The following AZI2 variants were observed in gnomAD, a reference collection of about 807,000 sequenced individuals.
The protein encoded by AZI2 is 5-azacytidine induced 2.
A neutral mutation model predicts 45.8 loss-of-function variants in AZI2; 22 were observed. That is an observed-to-expected ratio of 0.48 (90% confidence interval 0.34 to 0.69). AZI2 has a LOEUF of 0.69. Among genes scored for constraint, AZI2 ranks in the 30% least tolerant of loss-of-function variants. The pLI is 0.01. For missense variants in AZI2, 417 were observed against 441.5 expected, an observed-to-expected ratio of 0.94 and a Z score of 0.50; for synonymous variants, 137 against 156.7, an observed-to-expected ratio of 0.87 and a Z score of 0.94.
chr3:28,345,778 G>C (rs962027846), intron 1 of AZI2, among the ~76,000 whole-genome samples: 6 of 152,030 alleles, frequency 3.9e-5, no homozygotes, highest in African/African-American at 1.4e-4. Context: ...TTGTTCATAT[G>C]CTACGTATGT....
At chr3:28,328,575 C>T (rs1343127285) in intron 6 of AZI2, among the ~76,000 whole-genome samples, 2 of 150,942 alleles carry the variant, frequency 1.3e-5, no homozygotes, top group Non-Finnish European at 1.5e-5. Flanking sequence ...GTTTACAGTG[C>T]CTAATAAAAA....
chr3:28,343,691 A>C (rs780924302), intron 1 of AZI2, among the ~76,000 whole-genome samples: 5 of 152,156 alleles, frequency 3.3e-5, no homozygotes, highest in South Asian at 2.1e-4. Flanking sequence ...AAAGGTAAAG[A>C]AGCTTAGCTA....
At position 28,331,584 on chromosome 3, in the gene AZI2, T is replaced by C. The variant is rs777401940; in HGVS notation, c.647+785A>G. ...CATTTCCTCAAATTGTTTTTCCTAA[T>C]TGATCATTTCTCTAAAGCAGGTTTT... On this transcript the variant is annotated intron_variant, in intron 6 of 7. Coordinates refer to ENST00000479665, the MANE Select transcript of AZI2 (RefSeq NM_022461.5). 2.7e-5 allele frequency: 27 copies of C among 1,016,726 alleles called. No homozygotes were observed. The East Asian group carries it at 1.3e-3, about 49-fold the overall frequency. 63.0% of individuals were successfully genotyped at this position (1,016,726 alleles called of 1,614,324 possible). A position where few individuals can be genotyped will look rare whatever the true frequency, so the allele number is the denominator to read the frequency against.
chr3:28,338,138 A>T, intron 3 of AZI2, 102 bp from the exon 4 acceptor site: 1 of 589,644 alleles, frequency 1.7e-6, no homozygotes, highest in Non-Finnish European at 2.6e-6. Context: ...TCTTGTCTTT[A>T]AAAGCAAGGT....
chr3:28,332,544 A>C, intron 5 of AZI2, 117 bp from the exon 6 acceptor site: 1 of 723,106 alleles, frequency 1.4e-6, no homozygotes. Context: ...TGTAAGTGCA[A>C]AGAATACAAT....
rs1704379744 is a variant in AZI2 at position 28,348,671 on chromosome 3, C to T, written c.-76G>A. On this transcript the variant is annotated 5_prime_UTR_variant, in exon 1 of 8. Transcript: ENST00000479665. ...CGATTCCTTAGTGTTTGGAAACGGA[C>T]CGAAAACAAACCGGGTCGCCAGGGG... is the stretch of plus-strand genomic sequence containing the variant. 1 of 152,996 alleles carries T rather than the reference C, an allele frequency of 6.5e-6. No homozygotes were observed. Among genetic ancestry groups the T allele is most frequent in the African/African-American group, 2.4e-5 (1 of 41,464 alleles). The allele number at this position is 152,996 out of a possible 1,614,324, so 9.5% of individuals were successfully genotyped here.
rs1030651857 is a variant in AZI2 at position 28,323,108 on chromosome 3, C to CAATA, written c.*930_*933dup. On this transcript the variant is annotated 3_prime_UTR_variant, in exon 8 of 8. Transcript: ENST00000479665. The stretch of plus-strand genomic sequence containing the variant: ...AAATAATAATTTTAAATCACTTTCT[C>CAATA]AATAAATAGAATATTACATTTCAAC... 3 of 151,060 alleles carry CAATA rather than the reference C, an allele frequency of 2.0e-5. No homozygotes were observed. Among genetic ancestry groups the CAATA allele is most frequent in the Admixed American group, 1.3e-4 (2 of 15,106 alleles). 9.4% of individuals were successfully genotyped at this position (151,060 alleles called of 1,614,324 possible). A position where few individuals can be genotyped will look rare whatever the true frequency, so the allele number is the denominator to read the frequency against.
At position 28,348,704 on chromosome 3, in the gene AZI2, G is replaced by A. The variant is rs903229377; in HGVS notation, c.-109C>T. On this transcript the variant is annotated 5_prime_UTR_variant, in exon 1 of 8. Coordinates refer to ENST00000479665, the MANE Select transcript of AZI2 (RefSeq NM_022461.5). ...AAACCGGGTCGCCAGGGGTCACCAC[G>A]GGCTTCCGGTTTCTTCGAAGACACC... 2 of 154,388 alleles carry A rather than the reference G, an allele frequency of 1.3e-5. No homozygotes were observed. Among genetic ancestry groups the A allele is most frequent in the African/African-American group, 2.4e-5 (1 of 41,488 alleles). 9.6% of individuals were successfully genotyped at this position (154,388 alleles called of 1,614,324 possible). A position where few individuals can be genotyped will look rare whatever the true frequency, so the allele number is the denominator to read the frequency against.
At chr3:28,346,860 A>G (rs781316473) in intron 1 of AZI2, among the ~76,000 whole-genome samples, 2 of 152,204 alleles carry the variant, frequency 1.3e-5, no homozygotes, top group Non-Finnish European at 2.9e-5. Context: ...AGCAATAAAA[A>G]GCCCTGTAAT....
At chr3:28,346,508 G>A (rs1372941576) in intron 1 of AZI2, among the ~76,000 whole-genome samples, 3 of 152,108 alleles carry the variant, frequency 2.0e-5, no homozygotes, top group Admixed American at 1.3e-4. Flanking sequence ...TGGGGAAATT[G>A]AGGCTCAAAG....
intron 5 of AZI2, 43 bp downstream of exon 5, chr3:28,336,692 TAC>T (rs1703805241): frequency 6.4e-7 from 1 of 1,566,970 alleles, no homozygotes; most frequent in Non-Finnish European, 8.8e-7. Flanking sequence ...CTACATATGA[TAC>T]ACAAAAAATA....
intron 1 of AZI2, among the ~76,000 whole-genome samples, chr3:28,346,100 T>C (rs1355242851): frequency 3.3e-5 from 5 of 152,090 alleles, no homozygotes; most frequent in South Asian, 2.1e-4. Flanking sequence ...CAGAAGTCTA[T>C]GGTCTTAATA....
intron 1 of AZI2, among the ~76,000 whole-genome samples, chr3:28,345,379 A>G (rs1397220090): frequency 6.6e-6 from 1 of 152,160 alleles, no homozygotes; most frequent in African/African-American, 2.4e-5. Context: ...GTAATTTCAC[A>G]TTCATCATCT....
chr3:28,336,963 G>T, intron 4 of AZI2, 78 bp from the exon 5 acceptor site: 1 of 1,418,164 alleles, frequency 7.1e-7, no homozygotes, highest in East Asian at 2.3e-5. Context: ...GGTTATTCTG[G>T]TAAAATGTAG....
At chr3:28,334,114 GAACTGAGTTCCCTCACTAAATATTT>G (rs1242668687) in intron 5 of AZI2, among the ~76,000 whole-genome samples, 1 of 151,514 alleles carries the variant, frequency 6.6e-6, no homozygotes, top group Non-Finnish European at 1.5e-5. Flanking sequence ...AAATATTAAT[GAACTGAGTTCCCTCACTAAATATTT>G]AAAAAACAAA....
chr3:28,346,876 A>T (rs752903598), intron 1 of AZI2, among the ~76,000 whole-genome samples: 1 of 152,190 alleles, frequency 6.6e-6, no homozygotes, highest in Non-Finnish European at 1.5e-5. Flanking sequence ...GTAATTCAAT[A>T]AATGTCCAAA....
At chr3:28,345,777 T>C (rs770781073) in intron 1 of AZI2, among the ~76,000 whole-genome samples, 1 of 152,128 alleles carries the variant, frequency 6.6e-6, no homozygotes, top group Non-Finnish European at 1.5e-5. Flanking sequence ...GTTGTTCATA[T>C]GCTACGTATG....
chr3:28,336,645 T>G (rs1703802028), intron 5 of AZI2, 92 bp downstream of exon 5: 1 of 1,294,766 alleles, frequency 7.7e-7, no homozygotes, highest in African/African-American at 1.5e-5. Context: ...ACAATTTATT[T>G]TAACTCTATG....
At chr3:28,347,008 C>G (rs756344030) in intron 1 of AZI2, among the ~76,000 whole-genome samples, 11 of 152,216 alleles carry the variant, frequency 7.2e-5, no homozygotes, top group Non-Finnish European at 1.0e-4. Context: ...GATCAAGACT[C>G]TTCCAGAGTT....
Sources: gnomAD v4.1 joint callset for allele counts (sites outside exome capture counted in the v4.1 genomes callset) on GRCh38, gnomAD v4.1.1 for gene constraint, MANE v1.5 for transcripts, NCBI Gene and HGNC (gene_info 2026-07-23, HGNC 2026-07-21) for gene names.